KCNAB1: variants seen among roughly 807,000 people sequenced by gnomAD.
The protein encoded by KCNAB1 is potassium voltage-gated channel subfamily A regulatory beta subunit 1.
Under a neutral mutation model 64.6 loss-of-function variants are expected in KCNAB1, and 35 were observed. The observed-to-expected ratio is 0.54, with a 90% CI of 0.41 to 0.72. The LOEUF is 0.72. Among genes scored for constraint, KCNAB1 ranks in the 30% least tolerant of loss-of-function variants. The probability of loss-of-function intolerance (pLI) is 0.00; values close to 1 mark genes in which losing one functional copy is unlikely to be tolerated. For synonymous variants in KCNAB1, 177 were observed against 183.8 expected, an observed-to-expected ratio of 0.96 and a Z score of 0.30; for missense variants, 401 against 512.9, an observed-to-expected ratio of 0.78 and a Z score of 2.11.
chr3:156,201,907 A>G (rs1470183667), intron 1 of KCNAB1, among the ~76,000 whole-genome samples: 1 of 152,138 alleles, frequency 6.6e-6, no homozygotes, highest in Non-Finnish European at 1.5e-5. Flanking sequence ...CACAGGAGCT[A>G]TGATCTAGGC....
chr3:156,285,929 T>C (rs1720076803), intron 1 of KCNAB1, among the ~76,000 whole-genome samples: 1 of 152,248 alleles, frequency 6.6e-6, no homozygotes, highest in African/African-American at 2.4e-5. Flanking sequence ...AAATAATCAT[T>C]AGTGGCTGTA....
At chr3:156,492,839 G>A (rs908304095) in intron 8 of KCNAB1, among the ~76,000 whole-genome samples, 5 of 152,102 alleles carry the variant, frequency 3.3e-5, no homozygotes, top group Non-Finnish European at 7.4e-5. Context: ...AGAGCAATAC[G>A]TAAATATTAT....
chr3:156,411,032 A>G (rs1307500072), intron 1 of KCNAB1, among the ~76,000 whole-genome samples: 1 of 152,184 alleles, frequency 6.6e-6, no homozygotes, highest in Non-Finnish European at 1.5e-5. Flanking sequence ...CTGTTTTTCA[A>G]AGTGGGCTGT....
chr3:156,529,256 C>T (rs1350380679), intron 12 of KCNAB1, among the ~76,000 whole-genome samples: 1 of 152,074 alleles, frequency 6.6e-6, no homozygotes, highest in Non-Finnish European at 1.5e-5. Flanking sequence ...TTGTATGATT[C>T]CATTTAGATG....
At chr3:156,428,582 AT>A (rs202104143) in intron 2 of KCNAB1, among the ~76,000 whole-genome samples, 1 of 143,836 alleles carries the variant, frequency 7.0e-6, no homozygotes, top group Non-Finnish European at 1.5e-5. Flanking sequence ...GATTTTGTTG[AT>A]TTTTTTTTCA....
chr3:156,536,280 T>C (rs1355639109), intron 13 of KCNAB1, among the ~76,000 whole-genome samples: 1 of 152,270 alleles, frequency 6.6e-6, no homozygotes, highest in African/African-American at 2.4e-5. Flanking sequence ...ATCTTTTCTA[T>C]ATTGATTACA....
chr3:156,147,015 G>T (rs1324246013), intron 1 of KCNAB1, among the ~76,000 whole-genome samples: 1 of 152,110 alleles, frequency 6.6e-6, no homozygotes, highest in Admixed American at 6.5e-5. Flanking sequence ...ATATAATTGA[G>T]AAAGATAAAA....
chr3:156,484,054 T>C (rs1330986058), intron 8 of KCNAB1, among the ~76,000 whole-genome samples: 1 of 152,132 alleles, frequency 6.6e-6, no homozygotes, highest in Admixed American at 6.5e-5. Context: ...ATTCCCAACC[T>C]TATTCCATAA....
rs192025038 is a variant in KCNAB1, at chr3:156,158,096, C to T, written c.275+37210C>T. Reference sequence around the variant, plus strand: ...AGGAGAATGGCGTGAACCCGGGAGGCGGAGCTTGCAGTGAGGAGAGATAGC... The same window carrying T: ...AGGAGAATGGCGTGAACCCGGGAGGTGGAGCTTGCAGTGAGGAGAGATAGC... On this transcript the variant is annotated intron_variant, in intron 1 of 13. Coordinates refer to ENST00000490337, the MANE Select transcript of KCNAB1 (RefSeq NM_172160.3). Among the ~76,000 whole-genome samples, 197 of 149,458 alleles carry T rather than the reference C, an allele frequency of 1.3e-3. No individual in the cohort carries two copies. In the South Asian group the frequency reaches 0.017, roughly 13 times the overall value.
intron 1 of KCNAB1, among the ~76,000 whole-genome samples, chr3:156,209,857 A>G (rs1714906149): frequency 6.6e-6 from 1 of 152,254 alleles, no homozygotes; most frequent in African/African-American, 2.4e-5. Flanking sequence ...AGAATGGCAG[A>G]AAGATAAGGG....
intron 1 of KCNAB1, among the ~76,000 whole-genome samples, chr3:156,258,504 G>A (rs1025838968): frequency 2.6e-5 from 4 of 152,098 alleles, no homozygotes; most frequent in African/African-American, 7.2e-5. Context: ...AGCCCACACC[G>A]TAGCAAGTCC....
chr3:156,164,358 C>G (rs905854032), intron 1 of KCNAB1, among the ~76,000 whole-genome samples: 1 of 152,120 alleles, frequency 6.6e-6, no homozygotes. Context: ...ACCAATGAGG[C>G]CGCTCTCTTG....
chr3:156,127,996 C>T lies in KCNAB1; in HGVS notation c.275+7110C>T, dbSNP rs138746788. 1.5e-3 allele frequency among the ~76,000 whole-genome samples: 221 copies of T among 152,008 alleles called. 2 individuals are homozygous for T. The highest frequency in any genetic ancestry group is 5.2e-3 in the African/African-American group (214 of 41,508). ...CAGTGCCTCTATCTCAGTCTTCTGA[C>T]TTGCCCAGAGGGTTCTTTCCTAACT... is the stretch of plus-strand genomic sequence containing the variant. On this transcript the variant is annotated intron_variant, in intron 1 of 13. Transcript: ENST00000490337.
At chr3:156,131,435 A>G (rs1184649479) in intron 1 of KCNAB1, among the ~76,000 whole-genome samples, 2 of 152,222 alleles carry the variant, frequency 1.3e-5, no homozygotes, top group African/African-American at 4.8e-5. Flanking sequence ...TCAGTCTCCA[A>G]AAAATTAAAC....
intron 1 of KCNAB1, among the ~76,000 whole-genome samples, chr3:156,334,903 C>T (rs1460054296): frequency 6.6e-6 from 1 of 152,178 alleles, no homozygotes; most frequent in Non-Finnish European, 1.5e-5. Flanking sequence ...ATTTCCCCAA[C>T]CTCAGGCTTT....
chr3:156,420,962 T>C (rs1031141656), intron 1 of KCNAB1, among the ~76,000 whole-genome samples: 1 of 149,842 alleles, frequency 6.7e-6, no homozygotes, highest in Admixed American at 6.7e-5. Context: ...CACACACATA[T>C]ATATGTAATA....
At chr3:156,164,004 C>G (rs1052985644) in intron 1 of KCNAB1, among the ~76,000 whole-genome samples, 1 of 152,196 alleles carries the variant, frequency 6.6e-6, no homozygotes, top group Non-Finnish European at 1.5e-5. Flanking sequence ...AGAGTTAATG[C>G]TAGGCATCAA....
intron 1 of KCNAB1, among the ~76,000 whole-genome samples, chr3:156,372,160 C>T (rs998452437): frequency 6.6e-6 from 1 of 152,124 alleles, no homozygotes; most frequent in Non-Finnish European, 1.5e-5. Flanking sequence ...ATACAACATA[C>T]TGTGCAACAC....
At chr3:156,365,977 G>C (rs1725918299) in intron 1 of KCNAB1, among the ~76,000 whole-genome samples, 1 of 152,136 alleles carries the variant, frequency 6.6e-6, no homozygotes, top group African/African-American at 2.4e-5. Context: ...GGACCTGAAG[G>C]AAAATGTTCT....
Sources: gnomAD v4.1 joint callset for allele counts (sites outside exome capture counted in the v4.1 genomes callset) on GRCh38, gnomAD v4.1.1 for gene constraint, MANE v1.5 for transcripts, NCBI Gene and HGNC (gene_info 2026-07-23, HGNC 2026-07-21) for gene names.